The following PKP1 variants were observed in gnomAD, a reference collection of about 807,000 sequenced individuals.
PKP1 encodes plakophilin-1.
A neutral mutation model predicts 76.4 loss-of-function variants in PKP1; 27 were observed. The observed-to-expected ratio is 0.35, with a 90% confidence interval of 0.26 to 0.49. The LOEUF (loss-of-function observed/expected upper bound fraction) is 0.49, where lower values mean the gene tolerates loss of function less well. Ranked by LOEUF, PKP1 falls within the 20% of genes least tolerant of loss-of-function variation. PKP1 has a pLI of 0.99. For missense variants in PKP1, 964 were observed against 955.2 expected, an observed-to-expected ratio of 1.01 and a Z score of -0.12; for synonymous variants, 404 against 384.2, an observed-to-expected ratio of 1.05 and a Z score of -0.60.
At chr1:201,302,316 C>T (rs1656253309) in intron 2 of PKP1, among the ~76,000 whole-genome samples, 1 of 151,974 alleles carries the variant, frequency 6.6e-6, no homozygotes, top group Admixed American at 6.6e-5. Flanking sequence ...TGAGTCTGGA[C>T]CCCAGTGGAC....
rs1427739583 is a variant in PKP1 at position 201,285,986 on chromosome 1, G to A, written c.202+2082G>A. Reference sequence around the variant, plus strand: ...GAGGTTCCTAAAGGAGGCTGCAGAGGCATCCTTGCTGGAAGAGGCGGTTTG... The same window carrying A: ...GAGGTTCCTAAAGGAGGCTGCAGAGACATCCTTGCTGGAAGAGGCGGTTTG... On this transcript the variant is annotated intron_variant, in intron 1 of 13. Coordinates refer to ENST00000367324, the MANE Select transcript of PKP1 (RefSeq NM_001005337.3). 2.0e-5 allele frequency among the ~76,000 whole-genome samples: 3 copies of A among 152,246 alleles called. No homozygotes were observed. The East Asian group carries it at 5.8e-4, about 29-fold the overall frequency.
At chr1:201,291,321 C>A (rs1655911274) in intron 1 of PKP1, among the ~76,000 whole-genome samples, 2 of 152,218 alleles carry the variant, frequency 1.3e-5, no homozygotes, top group African/African-American at 4.8e-5. Context: ...GAGTGACAGT[C>A]ACACCTGCCT....
In PKP1 at chr1:201,313,441, G is replaced by A. The variant is rs773861280; in HGVS notation, c.582G>A (p.Lys194=). The change falls in exon 3 of 14, where the codon AAG becomes AAA. Residue 194 remains lysine (K), a synonymous_variant. Transcript: ENST00000367324. The part of the protein sequence containing the change: ...YSFYSTCSGQ[K]AIKKCPVRPP... ...TTTACAGCACCTGCAGTGGTCAGAA[G>A]GCCATAAAGAAGTGCCCTGTGCGCC... 8.1e-6 allele frequency: 13 copies of A among 1,604,756 alleles called. No individual in the cohort carries two copies. Among genetic ancestry groups the A allele is most frequent in the Non-Finnish European group, 1.7e-6 (2 of 1,175,888 alleles).
At chr1:201,321,435 G>C (rs1656935962) in intron 7 of PKP1, among the ~76,000 whole-genome samples, 1 of 152,130 alleles carries the variant, frequency 6.6e-6, no homozygotes, top group Non-Finnish European at 1.5e-5. Flanking sequence ...CTGGGCTCCA[G>C]GTGTTGCTGT....
At chr1:201,323,710 G>A (rs1456431679) in intron 9 of PKP1, among the ~76,000 whole-genome samples, 2 of 152,104 alleles carry the variant, frequency 1.3e-5, no homozygotes, top group South Asian at 4.1e-4. Context: ...TGGGCCAGGC[G>A]GCCAACTGTT....
chr1:201,303,923 C>T (rs1212870006), intron 2 of PKP1, among the ~76,000 whole-genome samples: 2 of 152,204 alleles, frequency 1.3e-5, no homozygotes, highest in South Asian at 2.1e-4. Context: ...GTAGAGCCCT[C>T]TCCCCTCACC....
rs540057964 is a variant in PKP1 at position 201,331,661 on chromosome 1, C to T, written c.*1620C>T. ...TCTGCACCACCCCCGAGTCCAAACCCACCTCTTGCCCCAGCATTCAGGCTG... is the reference window on the plus strand; with the variant it reads ...TCTGCACCACCCCCGAGTCCAAACCTACCTCTTGCCCCAGCATTCAGGCTG... On this transcript the variant is annotated 3_prime_UTR_variant, in exon 14 of 14. Coordinates refer to ENST00000367324, the MANE Select transcript of PKP1 (RefSeq NM_001005337.3). 6.6e-6 allele frequency: 1 copy of T among 152,538 alleles called. No homozygotes were observed. Among genetic ancestry groups the T allele is most frequent in the East Asian group, 1.9e-4 (1 of 5,188 alleles). The allele number at this position is 152,538 out of a possible 1,614,324, so 9.4% of individuals were successfully genotyped here. A position where few individuals can be genotyped will look rare whatever the true frequency, so the allele number is the denominator to read the frequency against.
At chr1:201,290,903 A>C (rs1655898047) in intron 1 of PKP1, among the ~76,000 whole-genome samples, 1 of 152,144 alleles carries the variant, frequency 6.6e-6, no homozygotes, top group African/African-American at 2.4e-5. Flanking sequence ...GACATCGGGG[A>C]CCAAGTGGAA....
intron 13 of PKP1, among the ~76,000 whole-genome samples, 162 bp downstream of exon 13, chr1:201,329,030 G>A (rs576073490): frequency 3.2e-4 from 49 of 152,110 alleles, no homozygotes; most frequent in Non-Finnish European, 5.6e-4. Context: ...GGCTGGGGGC[G>A]TAGTTTGTCC....
chr1:201,301,240 G>A (rs1293294148), intron 2 of PKP1, among the ~76,000 whole-genome samples: 3 of 152,204 alleles, frequency 2.0e-5, no homozygotes, highest in Admixed American at 6.5e-5. Context: ...AGGGAGACTT[G>A]TCACTGCTAA....
chr1:201,309,425 G>A (rs1390345162), intron 2 of PKP1, among the ~76,000 whole-genome samples: 1 of 152,156 alleles, frequency 6.6e-6, no homozygotes, highest in Non-Finnish European at 1.5e-5. Flanking sequence ...GAAGAAACAT[G>A]TCTCTCAGAA....
chr1:201,318,613 C>T lies in PKP1; in HGVS notation c.1055-5C>T, dbSNP rs979371135. On this transcript the variant is annotated splice_region_variant and splice_polypyrimidine_tract_variant and intron_variant, in intron 5 of 13. Coordinates refer to ENST00000367324, the MANE Select transcript of PKP1 (RefSeq NM_001005337.3). ...CAAATTGGGTTGATGGTCTCTGACC[C>T]CCAGGGCTGCTCTGGAACCTGTCTT... 6.2e-7 allele frequency: 1 copy of T among 1,612,006 alleles called. No individual in the cohort carries two copies. Among genetic ancestry groups the T allele is most frequent in the African/African-American group, 1.3e-5 (1 of 74,960 alleles).
chr1:201,304,715 T>A (rs759778086), intron 2 of PKP1, among the ~76,000 whole-genome samples: 1 of 152,198 alleles, frequency 6.6e-6, no homozygotes, highest in Non-Finnish European at 1.5e-5. Context: ...GCCCCCTAGC[T>A]ATAGAGACTC....
intron 8 of PKP1, among the ~76,000 whole-genome samples, chr1:201,322,771 C>T (rs1017610001): frequency 3.9e-5 from 6 of 152,204 alleles, no homozygotes; most frequent in Non-Finnish European, 8.8e-5. Context: ...GCTCTCTTCT[C>T]CCACATCCTG....
rs148214503 is a variant in PKP1 at position 201,310,500 on chromosome 1, C to T, written c.307-2666C>T. The stretch of plus-strand genomic sequence containing the variant: ...ACCTGGATTCCCAGGCAGTTGCTGC[C>T]GTTTCAGCCTTCAAGGCTGCAGGCT... On this transcript the variant is annotated intron_variant, in intron 2 of 13. Coordinates refer to ENST00000367324, the MANE Select transcript of PKP1 (RefSeq NM_001005337.3). Among the ~76,000 whole-genome samples, 82 of 152,268 alleles carry T rather than the reference C, an allele frequency of 5.4e-4. 1 individual carries two copies. The highest frequency in any genetic ancestry group is 1.8e-3 in the African/African-American group (76 of 41,556).
chr1:201,307,491 A>T (rs1053269790), intron 2 of PKP1, among the ~76,000 whole-genome samples: 1 of 152,146 alleles, frequency 6.6e-6, no homozygotes, highest in Non-Finnish European at 1.5e-5. Flanking sequence ...CCCTTTGGGA[A>T]GATTCTCGAC....
At chr1:201,294,343 G>T (rs1174196741) in intron 2 of PKP1, among the ~76,000 whole-genome samples, 1 of 152,172 alleles carries the variant, frequency 6.6e-6, no homozygotes, top group Non-Finnish European at 1.5e-5. Flanking sequence ...TCATGGATTT[G>T]GGAAATGTTT....
chr1:201,323,247 C>A (rs1657004024), intron 9 of PKP1, 58 bp downstream of exon 9: 2 of 1,509,926 alleles, frequency 1.3e-6, no homozygotes, highest in Admixed American at 1.7e-5. Flanking sequence ...CACCGTCCAG[C>A]CTCTGCTCCC....
At position 201,313,357 on chromosome 1, in the gene PKP1, C is replaced by A; in HGVS notation, c.498C>A (p.Thr166=). The change falls in exon 3 of 14, where the codon ACC becomes ACA. Residue 166 remains threonine (T), a synonymous_variant. Coordinates refer to ENST00000367324, the MANE Select transcript of PKP1 (RefSeq NM_001005337.3). ...EPDLYCDPRG[T]LRKGTLGSKG... ...ACCTCTACTGTGACCCACGGGGCAC[C>A]CTGCGCAAGGGCACGCTGGGCAGCA... The A allele has an allele frequency of 6.3e-7, 1 of 1,584,316 alleles. No individual in the cohort carries two copies. The highest frequency in any genetic ancestry group is 8.6e-7 in the Non-Finnish European group (1 of 1,165,028).
Sources: allele counts gnomAD v4.1 joint callset (sites outside exome capture counted in the v4.1 genomes callset), GRCh38; gene constraint gnomAD v4.1.1; transcripts MANE v1.5; gene names NCBI Gene and HGNC (gene_info 2026-07-23, HGNC 2026-07-21).